Variants in RADIL observed in about 807,000 individuals in gnomAD.
RADIL encodes the protein Rap associating with DIL domain.
Under a neutral mutation model 97.6 loss-of-function variants are expected in RADIL, and 99 were observed. The observed-to-expected ratio is 1.01, with a 90% CI of 0.86 to 1.20. The LOEUF (loss-of-function observed/expected upper bound fraction) is 1.20. RADIL is among the 50% of genes most tolerant of loss of function. The pLI, the probability that RADIL is intolerant of heterozygous loss-of-function variation, is 0.00. For synonymous variants in RADIL, 803 were observed against 691.8 expected (o/e 1.16, Z -2.52); for missense variants, 1,765 against 1,498.9 (o/e 1.18, Z -2.93).
At chr7:4,803,224 G>GGGT (rs1782173174) in intron 11 of RADIL, among the ~76,000 whole-genome samples, 1 of 102,618 alleles carries the variant, frequency 9.7e-6, no homozygotes, top group Admixed American at 8.5e-5. Context: ...CACACTGGCT[G>GGGT]GGCCCCCTCC....
chr7:4,815,378 CACTCCAGGAGCT>C lies in RADIL; in HGVS notation c.2027_2038del (p.Gln676_Trp680delinsArg). 1 of 1,565,536 alleles carries C rather than the reference CACTCCAGGAGCT, an allele frequency of 6.4e-7. No individual in the cohort carries two copies. Among genetic ancestry groups the C allele is most frequent in the Non-Finnish European group, 8.7e-7 (1 of 1,155,872 alleles). On this transcript the variant is annotated inframe_deletion, in exon 9 of 15. Coordinates refer to ENST00000399583, the MANE Select transcript of RADIL (RefSeq NM_018059.5). The surrounding 1 kb of genome is among the most constrained non-coding windows in gnomAD (Gnocchi z 8.0). ...CGCCCCGAAGCCGGCGCTCCGCATCCACTCCAGGAGCTGCTGCAGGCGGGCGCAGGCCTGGAC... is the reference window on the plus strand; with the variant it reads ...CGCCCCGAAGCCGGCGCTCCGCATCCGCTGCAGGCGGGCGCAGGCCTGGAC...
Position 4,798,085 on chromosome 7 carries a change from T to C in RADIL, c.*1293A>G, listed in dbSNP as rs1021836904. On this transcript the variant is annotated 3_prime_UTR_variant, in exon 15 of 15. Coordinates refer to ENST00000399583, the MANE Select transcript of RADIL (RefSeq NM_018059.5). ...TATGTAATATATTCATATATAATTA[T>C]ATATTTATATATATTCATATATTTT... 1.4e-5 allele frequency: 2 copies of C among 148,122 alleles called. No individual in the cohort carries two copies. Among genetic ancestry groups the C allele is most frequent in the Non-Finnish European group, 3.0e-5 (2 of 67,222 alleles). The allele number at this position is 148,122 out of a possible 1,614,324, so 9.2% of individuals were successfully genotyped here.
intron 5 of RADIL, among the ~76,000 whole-genome samples, chr7:4,829,698 C>G (rs2115215333): frequency 6.6e-6 from 1 of 152,092 alleles, no homozygotes; most frequent in East Asian, 1.9e-4. Context: ...ATGCTGTTCT[C>G]CCGATAGTGA....
rs1409780654 is a variant in RADIL, at chr7:4,877,939, C to T, written c.201G>A (p.Val67=). The change falls in exon 2 of 15, where the codon GTG becomes GTA. Residue 67 remains valine (V), a synonymous_variant. Coordinates refer to ENST00000399583, the MANE Select transcript of RADIL (RefSeq NM_018059.5). The part of the protein sequence containing the change: ...TQLSAPGVLK[V]FGDSVCTGTH... ...TTCCTGTGCAGACACTGTCCCCAAA[C>T]ACCTTCAGGACACCAGGGGCCGACA... 1.2e-6 allele frequency: 2 copies of T among 1,609,300 alleles called. No homozygotes were observed. Among genetic ancestry groups the T allele is most frequent in the African/African-American group, 2.7e-5 (2 of 74,940 alleles).
At chr7:4,825,412 G>A (rs1449966580) in intron 5 of RADIL, among the ~76,000 whole-genome samples, 2 of 152,222 alleles carry the variant, frequency 1.3e-5, no homozygotes, top group Non-Finnish European at 2.9e-5. Flanking sequence ...GCCTATGCAT[G>A]CCTGTCGCGT....
intron 9 of RADIL, chr7:4,809,207 ACTCGGGCCTGCCCATCTCCCGCAGGGGCG>A (rs1301102489): frequency 7.1e-6 from 7 of 984,870 alleles, no homozygotes; most frequent in African/African-American, 5.3e-5. Context: ...GTCACTGCCG[ACTCGGGCCTGCCCATCTCCCGCAGGGGCG>A]CTCGGGCCTG....
chr7:4,801,647 G>A lies in RADIL; in HGVS notation c.2842+6C>T, dbSNP rs759576814. 7 of 1,588,962 alleles carry A rather than the reference G, an allele frequency of 4.4e-6. No individual in the cohort carries two copies. The highest frequency in any genetic ancestry group is 5.1e-6 in the Non-Finnish European group (6 of 1,169,426). ...GGTTCCCGCCTGAGCACCAGGCAGGGCTCACCTTCCGGAGCTGCACCCCGG... is the reference window on the plus strand; with the variant it reads ...GGTTCCCGCCTGAGCACCAGGCAGGACTCACCTTCCGGAGCTGCACCCCGG... On this transcript the variant is annotated splice_donor_region_variant and intron_variant, in intron 12 of 14. Transcript: ENST00000399583.
At position 4,836,589 on chromosome 7, in the gene RADIL, G is replaced by T. The variant is rs1213237489; in HGVS notation, c.552C>A (p.Ala184=). ...DTITAGINAQ[A]RRLQRSRAKG... ...TCGCGCGACTCCGCTGCAGCCTCCG[G>T]GCCTGGGCGTTTATCCCTGGAACAG... is the stretch of plus-strand genomic sequence containing the variant. The change falls in exon 3 of 15, where the codon GCC becomes GCA. Residue 184 remains alanine, a synonymous_variant. Transcript: ENST00000399583. 18 of 1,607,434 alleles carry T rather than the reference G, an allele frequency of 1.1e-5. No homozygotes were observed. Among genetic ancestry groups the T allele is most frequent in the Non-Finnish European group, 1.5e-5 (18 of 1,179,662 alleles).
intron 14 of RADIL, 26 bp from the exon 15 acceptor site, chr7:4,799,509 T>C (rs767752480): frequency 1.5e-5 from 25 of 1,613,024 alleles, no homozygotes; most frequent in African/African-American, 2.7e-5. Flanking sequence ...GAGGTGGGGG[T>C]GGGCAGGAGG....
At chr7:4,801,520 TCAGGTTG>T in intron 12 of RADIL, 126 bp downstream of exon 12, 2 of 980,584 alleles carry the variant, frequency 2.0e-6, no homozygotes, top group Non-Finnish European at 2.9e-6. Flanking sequence ...TGGCCCCGTC[TCAGGTTG>T]CAGGTGTCTG....
chr7:4,820,331 C>A (rs994800308), intron 6 of RADIL, among the ~76,000 whole-genome samples: 1 of 152,196 alleles, frequency 6.6e-6, no homozygotes, highest in African/African-American at 2.4e-5. Context: ...CCAGGGGAGG[C>A]CTGTAGCTGG....
Position 4,818,622 on chromosome 7 carries a change from A to G in RADIL, c.1616-1271T>C, listed in dbSNP as rs1046794082. 6.6e-6 allele frequency among the ~76,000 whole-genome samples: 1 copy of G among 152,108 alleles called. No homozygotes were observed. Among genetic ancestry groups the G allele is most frequent in the African/African-American group, 2.4e-5 (1 of 41,408 alleles). ...GCCTCCAGGCCTGTGGAGACACACA[A>G]GGTGGCCCGACGGCGCCCACAGCGA... On this transcript the variant is annotated intron_variant, in intron 6 of 14. Coordinates refer to ENST00000399583, the MANE Select transcript of RADIL (RefSeq NM_018059.5). This position sits in a 1 kb window ranked among gnomAD's most constrained non-coding sequence, Gnocchi z 7.1.
At chr7:4,861,693 T>G in intron 2 of RADIL, 1 of 1,581,562 alleles carries the variant, frequency 6.3e-7, no homozygotes, top group East Asian at 2.2e-5. Context: ...AGCCTCTGGG[T>G]GAGGAGGCAG....
intron 2 of RADIL, among the ~76,000 whole-genome samples, chr7:4,851,507 G>A (rs191722380): frequency 8.1e-4 from 124 of 152,322 alleles, no homozygotes; most frequent in East Asian, 1.5e-3. Flanking sequence ...GACTGCCAGC[G>A]AAGGCTCAGA....
intron 5 of RADIL, among the ~76,000 whole-genome samples, chr7:4,830,995 T>C (rs1003452150): frequency 1.3e-5 from 2 of 148,924 alleles, no homozygotes; most frequent in African/African-American, 5.0e-5. Context: ...CACTCTAGCC[T>C]GGGCGACAGA....
chr7:4,799,078 G>T lies in RADIL; in HGVS notation c.*300C>A, dbSNP rs575862940. ...TCCGAGCAGCCCACGCCTGCTGCCC[G>T]AGTTGAGACCCCAGCAGGGCACCCT... is the stretch of plus-strand genomic sequence containing the variant. On this transcript the variant is annotated 3_prime_UTR_variant, in exon 15 of 15. Transcript: ENST00000399583. The T allele has an allele frequency of 1.1e-5, 4 of 374,168 alleles. No homozygotes were observed. Among genetic ancestry groups the T allele is most frequent in the Non-Finnish European group, 2.0e-5 (4 of 198,874 alleles). 23.2% of individuals were successfully genotyped at this position (374,168 alleles called of 1,614,324 possible).
intron 2 of RADIL, among the ~76,000 whole-genome samples, chr7:4,852,612 C>T (rs1195435257): frequency 6.6e-6 from 1 of 152,122 alleles, no homozygotes; most frequent in Admixed American, 6.6e-5. Flanking sequence ...CCATGCCTGA[C>T]TAATTTTTTA....
At position 4,819,000 on chromosome 7, in the gene RADIL, C is replaced by G. The variant is rs1039400657; in HGVS notation, c.1616-1649G>C. On this transcript the variant is annotated intron_variant, in intron 6 of 14. Transcript: ENST00000399583. The surrounding 1 kb of genome is among the most constrained non-coding windows in gnomAD (Gnocchi z 7.1). ...ACTCCAATCTACCCGCCTTGGCCCC[C>G]CAAAGTGCTGGGATTACAGGCATGC... 6.6e-6 allele frequency among the ~76,000 whole-genome samples: 1 copy of G among 151,814 alleles called. No individual in the cohort carries two copies. The highest frequency in any genetic ancestry group is 2.4e-5 in the African/African-American group (1 of 41,334).
intron 2 of RADIL, chr7:4,865,362 G>GT (rs139591974): frequency 0.075 from 43,222 of 573,418 alleles, 1,359 homozygotes; most frequent in Non-Finnish European, 0.093. Context: ...TTTCTGTGTG[G>GT]TTTTTTTTTG....
Sources: allele counts gnomAD v4.1 joint callset (sites outside exome capture counted in the v4.1 genomes callset), GRCh38; gene constraint gnomAD v4.1.1; non-coding constraint Gnocchi (gnomAD v3.1); transcripts MANE v1.5; gene names NCBI Gene and HGNC (gene_info 2026-07-23, HGNC 2026-07-21).